KDM6A: variants seen among roughly 807,000 people sequenced by gnomAD.
The protein encoded by KDM6A is lysine demethylase 6A.
KDM6A carries 11 observed loss-of-function variants against 117.6 expected under a neutral mutation model. That is an observed-to-expected ratio of 0.09 (90% CI 0.06 to 0.15). The LOEUF is 0.15. Ranked by LOEUF, KDM6A falls within the 10% of genes least tolerant of loss-of-function variation. The pLI is 1.00. For synonymous variants in KDM6A, 384 were observed against 396.1 expected (o/e 0.97, Z 0.36); for missense variants, 799 against 1,077.3 (o/e 0.74, Z 3.62).
At chrX:44,945,112 G>T (rs1379336631) in intron 2 of KDM6A, among the ~76,000 whole-genome samples, 1 of 111,191 alleles carries the variant, frequency 9.0e-6, no homozygotes, top group Non-Finnish European at 1.9e-5. Flanking sequence ...GTGTCAGTTG[G>T]CATTTAGAAA....
intron 2 of KDM6A, among the ~76,000 whole-genome samples, chrX:44,937,644 C>G (rs991689355): frequency 2.7e-5 from 3 of 111,793 alleles, no homozygotes; most frequent in Middle Eastern, 4.6e-3. Context: ...GTCTCTCTCC[C>G]TCTCCTCTCC....
rs2042750453 is a variant in KDM6A at position 45,035,038 on chromosome X, G to A, written c.619+53G>A. 1.9e-5 allele frequency: 17 copies of A among 912,971 alleles called. No homozygotes were observed. In the South Asian group the frequency reaches 2.8e-4, roughly 15 times the overall value. The allele number at this position is 912,971 out of a possible 1,213,427, so 75.2% of individuals were successfully genotyped here. On this transcript the variant is annotated intron_variant, in intron 7 of 29. Coordinates refer to ENST00000611820, the MANE Select transcript of KDM6A (RefSeq NM_001291415.2). ...CTACATGTATTCCGATCACTTCATGGCAAATAACAATAATGTTAGTGATAA... is the reference window on the plus strand; with the variant it reads ...CTACATGTATTCCGATCACTTCATGACAAATAACAATAATGTTAGTGATAA...
rs779928225 is a variant in KDM6A at position 44,955,242 on chromosome X, T to C, written c.226-6042T>C. The stretch of plus-strand genomic sequence containing the variant: ...AAAGTGACTCTTGGGAAAGTATCTT[T>C]AGTTAAGGATCAAGATAGTAAGGTA... On this transcript the variant is annotated intron_variant, in intron 2 of 29. Transcript: ENST00000611820. Among the ~76,000 whole-genome samples, 7 of 111,106 alleles carry C rather than the reference T, an allele frequency of 6.3e-5. No individual in the cohort carries two copies. The East Asian group carries it at 2.0e-3, about 32-fold the overall frequency.
chrX:45,107,683 C>A, intron 28 of KDM6A, 147 bp downstream of exon 28: 1 of 551,816 alleles, frequency 1.8e-6, no homozygotes, highest in Non-Finnish European at 2.8e-6. Flanking sequence ...GTTGCTTAGC[C>A]ATTATATTAA....
chrX:45,099,722 G>T (rs1008535285), intron 27 of KDM6A, among the ~76,000 whole-genome samples: 3 of 111,587 alleles, frequency 2.7e-5, no homozygotes, highest in Non-Finnish European at 3.8e-5. Context: ...TTAATTTTAC[G>T]ACTGGTAGAT....
At chrX:44,945,238 A>G (rs150350648) in intron 2 of KDM6A, among the ~76,000 whole-genome samples, 314 of 111,360 alleles carry the variant, frequency 2.8e-3, no homozygotes, top group African/African-American at 9.6e-3. Flanking sequence ...GTTTTCCCAT[A>G]CATGTGCTGT....
At chrX:45,099,181 G>A (rs1381696097) in intron 27 of KDM6A, among the ~76,000 whole-genome samples, 1 of 110,908 alleles carries the variant, frequency 9.0e-6, no homozygotes, top group African/African-American at 3.3e-5. Flanking sequence ...TTAAGAATAA[G>A]GTTATTCTCC....
chrX:44,911,472 G>A (rs1257492878), intron 2 of KDM6A, among the ~76,000 whole-genome samples: 1 of 110,159 alleles, frequency 9.1e-6, no homozygotes. Flanking sequence ...GACGATGGGC[G>A]GCCAGGCAGA....
chrX:45,017,389 C>G (rs1018892102), intron 5 of KDM6A, among the ~76,000 whole-genome samples: 1 of 111,541 alleles, frequency 9.0e-6, no homozygotes, highest in African/African-American at 3.3e-5. Flanking sequence ...AAGCTGATGA[C>G]CAAAATTAGA....
At position 44,992,902 on chromosome X, in the gene KDM6A, T is replaced by C. The variant is rs148382195; in HGVS notation, c.385-18059T>C. ...TATCTAATAATATTTTAAGTCTTCA[T>C]TGGCTGGGTGGTAGTCATGATATAT... is the stretch of plus-strand genomic sequence containing the variant. On this transcript the variant is annotated intron_variant, in intron 4 of 29. Coordinates refer to ENST00000611820, the MANE Select transcript of KDM6A (RefSeq NM_001291415.2). Among the ~76,000 whole-genome samples the C allele has an allele frequency of 5.6e-3, 628 of 112,013 alleles. 5 individuals carry two copies. The highest frequency in any genetic ancestry group is 6.2e-3 in the Non-Finnish European group (328 of 53,216).
At chrX:45,065,278 A>G (rs186465799) in intron 17 of KDM6A, among the ~76,000 whole-genome samples, 197 of 112,044 alleles carry the variant, frequency 1.8e-3, no homozygotes, top group African/African-American at 6.1e-3. Flanking sequence ...CAAGGTGGCA[A>G]GCATGGCAGA....
At chrX:44,999,473 A>C (rs915488478) in intron 4 of KDM6A, among the ~76,000 whole-genome samples, 1 of 111,224 alleles carries the variant, frequency 9.0e-6, no homozygotes, top group Non-Finnish European at 1.9e-5. Context: ...CAGAGCAGGC[A>C]ATGAGTCAGG....
At chrX:44,883,244 A>AT (rs2032485828) in intron 2 of KDM6A, among the ~76,000 whole-genome samples, 2 of 109,141 alleles carry the variant, frequency 1.8e-5, no homozygotes, top group African/African-American at 3.3e-5. Flanking sequence ...ACTTTTTTGT[A>AT]TTTTTTTGTA....
intron 27 of KDM6A, among the ~76,000 whole-genome samples, chrX:45,093,432 G>A (rs1162468382): frequency 9.1e-6 from 1 of 109,638 alleles, no homozygotes; most frequent in African/African-American, 3.3e-5. Flanking sequence ...TGCTGTGTGT[G>A]GAATGAGTTC....
intron 2 of KDM6A, among the ~76,000 whole-genome samples, chrX:44,891,751 T>C (rs1006861579): frequency 2.7e-5 from 3 of 111,983 alleles, no homozygotes; most frequent in African/African-American, 9.7e-5. Flanking sequence ...CCAGTTTCCA[T>C]TGGCTGGAAC....
chrX:45,005,785 C>T (rs184956448), intron 4 of KDM6A, among the ~76,000 whole-genome samples: 1 of 109,421 alleles, frequency 9.1e-6, no homozygotes, highest in East Asian at 2.9e-4. Flanking sequence ...GGTTCAATTT[C>T]CCTTACTGAA....
intron 2 of KDM6A, among the ~76,000 whole-genome samples, chrX:44,948,572 G>T (rs2037802405): frequency 8.9e-6 from 1 of 111,787 alleles, no homozygotes; most frequent in Non-Finnish European, 1.9e-5. Context: ...CTAATTCTGA[G>T]CCGAACTTAT....
At chrX:45,040,812 G>A (rs1245712945) in intron 8 of KDM6A, among the ~76,000 whole-genome samples, 1 of 74,485 alleles carries the variant, frequency 1.3e-5, no homozygotes, top group East Asian at 4.7e-4. Context: ...GCGGCTGGCC[G>A]GGCGGGGGGC....
chrX:44,973,127 C>CT (rs1478155047), intron 3 of KDM6A, among the ~76,000 whole-genome samples: 3 of 111,006 alleles, frequency 2.7e-5, no homozygotes, highest in African/African-American at 9.8e-5. Flanking sequence ...AGAATAGAAA[C>CT]TTTATCAGAA....
Sources: gnomAD v4.1 joint callset for allele counts (sites outside exome capture counted in the v4.1 genomes callset) on GRCh38, gnomAD v4.1.1 for gene constraint, MANE v1.5 for transcripts, NCBI Gene and HGNC (gene_info 2026-07-23, HGNC 2026-07-21) for gene names.